CEP41: variants seen among roughly 807,000 people sequenced by gnomAD.
CEP41 encodes the protein centrosomal protein of 41 kDa.
In CEP41, 32 loss-of-function variants were observed where a neutral mutation model predicts 44.3. That is an observed-to-expected ratio of 0.72 (90% CI 0.54 to 0.97). The LOEUF (loss-of-function observed/expected upper bound fraction) is 0.97. Among genes scored for constraint, CEP41 ranks in the 50% least tolerant of loss-of-function variants. The probability of loss-of-function intolerance (pLI) is 0.00; values close to 1 mark genes in which losing one functional copy is unlikely to be tolerated. For synonymous variants in CEP41, 151 were observed against 168.5 expected, an observed-to-expected ratio of 0.90 and a Z score of 0.80; for missense variants, 432 against 455.2, an observed-to-expected ratio of 0.95 and a Z score of 0.46.
At position 130,422,058 on chromosome 7, in the gene CEP41, G is replaced by A. The variant is rs1297208524; in HGVS notation, c.98-5092C>T. On this transcript the variant is annotated intron_variant, in intron 2 of 10. Transcript: ENST00000223208. Reference sequence around the variant, plus strand: ...GTTCAAAATAATTCTGAGATTTCTAGCCATGGCTGCACTCAGTGTTTGAGT... The same window carrying A: ...GTTCAAAATAATTCTGAGATTTCTAACCATGGCTGCACTCAGTGTTTGAGT... The A allele has an allele frequency of 4.6e-6, 7 of 1,533,102 alleles. No homozygotes were observed. The African/African-American group carries it at 9.6e-5, about 21-fold the overall frequency. 95.0% of individuals were successfully genotyped at this position (1,533,102 alleles called of 1,614,324 possible). A position where few individuals can be genotyped will look rare whatever the true frequency, so the allele number is the denominator to read the frequency against.
In CEP41 at chr7:130,394,043, C is replaced by T. The variant is rs1021721402; in HGVS notation, c.*4848G>A. The T allele has an allele frequency of 6.2e-5, 28 of 453,848 alleles. No homozygotes were observed. Among genetic ancestry groups the T allele is most frequent in the East Asian group, 4.9e-4 (7 of 14,366 alleles). 28.1% of individuals were successfully genotyped at this position (453,848 alleles called of 1,614,324 possible). ...TTCCATCGCCTTTTGTGCAGGCAAG[C>T]GGAGGAAAGTTTTCAAAAGAATCTC... is the stretch of plus-strand genomic sequence containing the variant. On this transcript the variant is annotated 3_prime_UTR_variant, in exon 11 of 11. Coordinates refer to ENST00000223208, the MANE Select transcript of CEP41 (RefSeq NM_018718.3).
intron 1 of CEP41, among the ~76,000 whole-genome samples, chr7:130,438,949 GTGAGA>G (rs1270773434): frequency 4.0e-5 from 6 of 151,882 alleles, no homozygotes; most frequent in African/African-American, 1.5e-4. Flanking sequence ...TTTTTTTGAG[GTGAGA>G]TATTTGAAAT....
At chr7:130,404,816 A>T in intron 5 of CEP41, 108 bp from the exon 6 acceptor site, 2 of 962,350 alleles carry the variant, frequency 2.1e-6, no homozygotes, top group Non-Finnish European at 3.3e-6. Flanking sequence ...CATCATTATT[A>T]AATTGTCGTG....
rs143228459 is a variant in CEP41 at position 130,398,508 on chromosome 7, G to C, written c.*383C>G. On this transcript the variant is annotated 3_prime_UTR_variant, in exon 11 of 11. Transcript: ENST00000223208. Reference sequence around the variant, plus strand: ...GAAAAGGTGGCAGGGACAGGCACACGGGCAGATGTGACTGAAGTATTTACA... The same window carrying C: ...GAAAAGGTGGCAGGGACAGGCACACCGGCAGATGTGACTGAAGTATTTACA... 1 of 457,368 alleles carries C rather than the reference G, an allele frequency of 2.2e-6. No individual in the cohort carries two copies. The highest frequency in any genetic ancestry group is 2.3e-5 in the Admixed American group (1 of 42,622). The allele number at this position is 457,368 out of a possible 1,614,324, so 28.3% of individuals were successfully genotyped here.
chr7:130,434,691 A>C (rs1376440523), intron 1 of CEP41, among the ~76,000 whole-genome samples: 1 of 152,244 alleles, frequency 6.6e-6, no homozygotes, highest in Non-Finnish European at 1.5e-5. Flanking sequence ...AGCAAATCGT[A>C]TACAAATAGC....
Position 130,404,620 on chromosome 7 carries a change from A to T in CEP41, c.366T>A (p.Pro122=). The T allele has an allele frequency of 6.2e-7, 1 of 1,613,854 alleles. No homozygotes were observed. Among genetic ancestry groups the T allele is most frequent in the Non-Finnish European group, 8.5e-7 (1 of 1,179,738 alleles). Residue 122 remains proline (P), a synonymous_variant, in exon 6 of 11, where the codon CCT becomes CCA. Coordinates refer to ENST00000223208, the MANE Select transcript of CEP41 (RefSeq NM_018718.3). The stretch of plus-strand genomic sequence containing the variant: ...CTCCTGCGTTGTTTATGAACTGCTC[A>T]GGGCTCGGCGACTGCTCACCTGGAT... ...KGNPGEQSPS[P]EQFINNAGAG...
intron 1 of CEP41, among the ~76,000 whole-genome samples, chr7:130,437,960 G>C (rs1228987517): frequency 1.3e-5 from 2 of 151,978 alleles, no homozygotes; most frequent in Non-Finnish European, 2.9e-5. Context: ...GAAACTACTA[G>C]AAGTTGTGCT....
intron 2 of CEP41, chr7:130,420,895 G>T: frequency 1.0e-6 from 1 of 953,526 alleles, no homozygotes; most frequent in Non-Finnish European, 1.2e-6. Flanking sequence ...TTCCCAATTT[G>T]GTCTGAGTTT....
chr7:130,418,925 C>G (rs1341229939), intron 2 of CEP41: 3 of 153,224 alleles, frequency 2.0e-5, no homozygotes, highest in Non-Finnish European at 4.3e-5. Context: ...ATTATTGAAA[C>G]ACTGCATTTC....
chr7:130,415,666 G>T (rs1484980834), intron 3 of CEP41, among the ~76,000 whole-genome samples: 4 of 152,168 alleles, frequency 2.6e-5, no homozygotes, highest in African/African-American at 9.7e-5. Context: ...CAAATTTCTA[G>T]TGAGGACATG....
chr7:130,414,057 C>T (rs1162867292), intron 3 of CEP41, among the ~76,000 whole-genome samples: 1 of 152,110 alleles, frequency 6.6e-6, no homozygotes, highest in Non-Finnish European at 1.5e-5. Context: ...CATGAATTTT[C>T]CAAAAACCAG....
Position 130,440,914 on chromosome 7 carries a change from G to A in CEP41, c.33+20C>T. The A allele has an allele frequency of 6.2e-7, 1 of 1,610,660 alleles. No individual in the cohort carries two copies. Among genetic ancestry groups the A allele is most frequent in the Non-Finnish European group, 8.5e-7 (1 of 1,179,914 alleles). On this transcript the variant is annotated intron_variant, in intron 1 of 10. Transcript: ENST00000223208. ...GTGCGCCCGCCCCCTCCGGCTCTCC[G>A]GCCGAGACCTGGCCCTCACCTCAGG... is the stretch of plus-strand genomic sequence containing the variant.
At chr7:130,399,331 T>G (rs1796771405) in intron 10 of CEP41, 1 of 451,318 alleles carries the variant, frequency 2.2e-6, no homozygotes, top group Non-Finnish European at 4.1e-6. Context: ...GTAGAGAGGA[T>G]GCAGACGAGG....
At chr7:130,421,343 T>C in intron 2 of CEP41, 8 of 985,466 alleles carry the variant, frequency 8.1e-6, no homozygotes, top group Non-Finnish European at 9.6e-6. Flanking sequence ...TTTTCTTCAA[T>C]ATTTCCCTCC....
intron 5 of CEP41, among the ~76,000 whole-genome samples, chr7:130,405,003 T>TA (rs1347862367): frequency 6.6e-6 from 1 of 152,206 alleles, no homozygotes; most frequent in Non-Finnish European, 1.5e-5. Context: ...AGCACCTTAG[T>TA]AAGAATCAGG....
intron 1 of CEP41, among the ~76,000 whole-genome samples, chr7:130,431,269 G>T (rs1329613094): frequency 6.6e-6 from 1 of 152,080 alleles, no homozygotes; most frequent in Non-Finnish European, 1.5e-5. Context: ...TACATAAACA[G>T]GATGGAATGG....
upstream of CEP41, among the ~76,000 whole-genome samples, chr7:130,441,599 G>T (rs148095195): frequency 6.6e-6 from 1 of 152,228 alleles, no homozygotes; most frequent in African/African-American, 2.4e-5. Context: ...ATCCTTAATT[G>T]CAAAGCACAC....
chr7:130,408,975 T>C (rs1165217410), intron 5 of CEP41, among the ~76,000 whole-genome samples: 6 of 152,162 alleles, frequency 3.9e-5, no homozygotes, highest in African/African-American at 1.4e-4. Flanking sequence ...CAAAATTATA[T>C]ACAAAGAATA....
chr7:130,394,634 G>T lies in CEP41; in HGVS notation c.*4257C>A. 2.2e-6 allele frequency: 1 copy of T among 453,766 alleles called. No homozygotes were observed. Among genetic ancestry groups the T allele is most frequent in the Non-Finnish European group, 4.4e-6 (1 of 226,540 alleles). The allele number at this position is 453,766 out of a possible 1,614,324, so 28.1% of individuals were successfully genotyped here. A position where few individuals can be genotyped will look rare whatever the true frequency, so the allele number is the denominator to read the frequency against. On this transcript the variant is annotated 3_prime_UTR_variant, in exon 11 of 11. Transcript: ENST00000223208. Reference sequence around the variant, plus strand: ...GGTTTTGAATGCCTCGCCCACAAAGGCAGGATACACAAGGGGGACAGAAGA... The same window carrying T: ...GGTTTTGAATGCCTCGCCCACAAAGTCAGGATACACAAGGGGGACAGAAGA...
Sources: allele counts gnomAD v4.1 joint callset (sites outside exome capture counted in the v4.1 genomes callset), GRCh38; gene constraint gnomAD v4.1.1; transcripts MANE v1.5; gene names NCBI Gene and HGNC (gene_info 2026-07-23, HGNC 2026-07-21).